Variants in RBFOX1 observed in about 807,000 individuals in gnomAD.
The protein encoded by RBFOX1 is RNA binding protein fox-1 homolog 1.
Under a neutral mutation model 57.7 loss-of-function variants are expected in RBFOX1, and 8 were observed. The observed-to-expected ratio is 0.14, with a 90% CI of 0.08 to 0.25. The LOEUF (loss-of-function observed/expected upper bound fraction) is 0.25, where lower values mean the gene tolerates loss of function less well. RBFOX1 is among the 10% of genes least tolerant of loss of function. The probability of loss-of-function intolerance (pLI) is 1.00; values close to 1 mark genes in which losing one functional copy is unlikely to be tolerated. For synonymous variants in RBFOX1, 326 were observed against 222.4 expected (o/e 1.47, Z -4.15); for missense variants, 611 against 548.5 (o/e 1.11, Z -1.14).
intron 12 of RBFOX1, among the ~76,000 whole-genome samples, chr16:7,657,654 A>G (rs908756163): frequency 6.6e-6 from 1 of 152,096 alleles, no homozygotes; most frequent in Non-Finnish European, 1.5e-5. Flanking sequence ...ATGTCTTGAT[A>G]TTTTCTGAAG....
intron 2 of RBFOX1, among the ~76,000 whole-genome samples, chr16:5,522,936 C>A (rs1256967552): frequency 1.3e-5 from 2 of 152,064 alleles, no homozygotes; most frequent in Admixed American, 1.3e-4. Context: ...TATATTCATC[C>A]ATCCATTGAT....
chr16:6,371,691 G>T (rs376393042), intron 2 of RBFOX1, among the ~76,000 whole-genome samples: 8 of 152,106 alleles, frequency 5.3e-5, no homozygotes, highest in African/African-American at 1.7e-4. Context: ...AGTTCTGGGC[G>T]ATTATGGCTT....
At chr16:7,164,326 T>A (rs189095253) in intron 4 of RBFOX1, among the ~76,000 whole-genome samples, 1 of 152,324 alleles carries the variant, frequency 6.6e-6, no homozygotes, top group Admixed American at 6.5e-5. Context: ...TAGTATTCCA[T>A]GGTCTGTATA....
At chr16:5,243,730 G>A (rs763551529) in intron 1 of RBFOX1, among the ~76,000 whole-genome samples, 1 of 152,076 alleles carries the variant, frequency 6.6e-6, no homozygotes, top group Non-Finnish European at 1.5e-5. Flanking sequence ...GGTCCCTGCT[G>A]TACCCTTTAT....
intron 11 of RBFOX1, among the ~76,000 whole-genome samples, chr16:7,643,973 T>C (rs1298909943): frequency 3.3e-5 from 5 of 152,218 alleles, no homozygotes; most frequent in South Asian, 2.1e-4. Context: ...CTATGATGAA[T>C]TGGGGCTGGC....
chr16:6,955,080 AC>A (rs61418113), intron 3 of RBFOX1, among the ~76,000 whole-genome samples: 33,843 of 113,746 alleles, frequency 0.3, 4,096 homozygotes, highest in South Asian at 0.33. Context: ...AAAAAAAAAA[AC>A]ACACAAAAAA....
intron 9 of RBFOX1, among the ~76,000 whole-genome samples, chr16:7,603,063 A>G (rs758515109): frequency 6.6e-6 from 1 of 152,210 alleles, no homozygotes; most frequent in East Asian, 1.9e-4. Context: ...AGTCTATGGG[A>G]TACAGCAAAA....
intron 1 of RBFOX1, among the ~76,000 whole-genome samples, chr16:5,466,430 A>G (rs753873672): frequency 2.0e-5 from 3 of 151,950 alleles, no homozygotes; most frequent in Non-Finnish European, 4.4e-5. Context: ...TGCTTGGCTG[A>G]TTTCAGAGCC....
At chr16:7,425,449 T>G (rs1280452437) in intron 4 of RBFOX1, among the ~76,000 whole-genome samples, 1 of 152,342 alleles carries the variant, frequency 6.6e-6, no homozygotes, top group East Asian at 1.9e-4. Flanking sequence ...TTGAGAAATT[T>G]CAAAGGATGG....
At chr16:5,733,849 G>A (rs2052474125) in intron 3 of RBFOX1, among the ~76,000 whole-genome samples, 1 of 151,666 alleles carries the variant, frequency 6.6e-6, no homozygotes, top group African/African-American at 2.4e-5. Flanking sequence ...GTCTTTCCCT[G>A]GGATGCGTCT....
At chr16:5,938,752 T>C (rs910245553) in intron 4 of RBFOX1, among the ~76,000 whole-genome samples, 23 of 152,098 alleles carry the variant, frequency 1.5e-4, no homozygotes, top group Non-Finnish European at 2.2e-4. Context: ...CCATAAACAG[T>C]CATTTTGGTT....
chr16:5,467,936 G>T (rs764792624), intron 2 of RBFOX1, among the ~76,000 whole-genome samples: 10 of 152,180 alleles, frequency 6.6e-5, no homozygotes, highest in African/African-American at 1.2e-4. Context: ...TAAATTTCCT[G>T]TGTAATAGGA....
intron 2 of RBFOX1, among the ~76,000 whole-genome samples, chr16:5,577,598 T>A (rs1363665696): frequency 6.6e-6 from 1 of 152,306 alleles, no homozygotes; most frequent in African/African-American, 2.4e-5. Context: ...CACTATTCTG[T>A]TACTACATGT....
intron 13 of RBFOX1, chr16:7,671,568 A>G (rs759292425): frequency 6.2e-7 from 1 of 1,611,120 alleles, no homozygotes; most frequent in South Asian, 1.1e-5. Context: ...GTAGTGTATC[A>G]AGAGCCTGTG....
intron 5 of RBFOX1, among the ~76,000 whole-genome samples, chr16:7,524,211 C>T (rs1281657269): frequency 6.6e-6 from 1 of 152,178 alleles, no homozygotes; most frequent in Non-Finnish European, 1.5e-5. Flanking sequence ...CCTCCAAGAA[C>T]ATCTAATATA....
intron 3 of RBFOX1, among the ~76,000 whole-genome samples, chr16:6,938,566 T>A (rs2077761875): frequency 6.7e-6 from 1 of 149,990 alleles, no homozygotes; most frequent in Non-Finnish European, 1.5e-5. Flanking sequence ...ATTACTGTAT[T>A]TTTTCTCTTC....
intron 2 of RBFOX1, among the ~76,000 whole-genome samples, chr16:6,584,124 C>A (rs1006744590): frequency 2.0e-5 from 3 of 151,750 alleles, no homozygotes; most frequent in Non-Finnish European, 4.4e-5. Context: ...TCAGAGTCTC[C>A]TAATGTATTC....
At chr16:7,057,109 C>A (rs1328405283) in intron 4 of RBFOX1, among the ~76,000 whole-genome samples, 2 of 151,900 alleles carry the variant, frequency 1.3e-5, no homozygotes, top group African/African-American at 2.4e-5. Flanking sequence ...AATTATTTCA[C>A]TTCTCTTCCT....
At chr16:6,558,997 G>A (rs111704097) in intron 2 of RBFOX1, among the ~76,000 whole-genome samples, 2 of 152,084 alleles carry the variant, frequency 1.3e-5, no homozygotes, top group African/African-American at 4.8e-5. Flanking sequence ...CTCCAGGAAA[G>A]TCTTTCCTGG....
Sources: allele counts gnomAD v4.1 joint callset (sites outside exome capture counted in the v4.1 genomes callset), GRCh38; gene constraint gnomAD v4.1.1; transcripts MANE v1.5; gene names NCBI Gene and HGNC (gene_info 2026-07-23, HGNC 2026-07-21).